The following KIAA1217 variants were observed in gnomAD, a reference collection of about 807,000 sequenced individuals.
KIAA1217 encodes KIAA1217, also known as sickle tail protein homolog.
Under a neutral mutation model 163.9 loss-of-function variants are expected in KIAA1217, and 88 were observed. That is an observed-to-expected ratio of 0.54 (90% confidence interval 0.45 to 0.64). The LOEUF (loss-of-function observed/expected upper bound fraction) is 0.64, where lower values mean the gene tolerates loss of function less well. KIAA1217 is among the 30% of genes least tolerant of loss of function. The probability of loss-of-function intolerance (pLI) is 0.00; values close to 1 mark genes in which losing one functional copy is unlikely to be tolerated. For missense variants in KIAA1217, 2,372 were observed against 2,475.0 expected, an observed-to-expected ratio of 0.96 and a Z score of 0.88; for synonymous variants, 903 against 923.1, an observed-to-expected ratio of 0.98 and a Z score of 0.39.
At chr10:24,008,201 GATA>G (rs1847087942) in intron 2 of KIAA1217, among the ~76,000 whole-genome samples, 1 of 144,546 alleles carries the variant, frequency 6.9e-6, no homozygotes, top group Non-Finnish European at 1.5e-5. Context: ...TAGATAGATA[GATA>G]GATTATTTAT....
At chr10:24,538,759 G>A (rs1371753256) in intron 17 of KIAA1217, among the ~76,000 whole-genome samples, 6 of 109,086 alleles carry the variant, frequency 5.5e-5, no homozygotes, top group South Asian at 2.9e-4. Flanking sequence ...TTGTGAGACC[G>A]AGTCTCACTC....
chr10:23,994,102 T>C (rs948941672), intron 1 of KIAA1217, among the ~76,000 whole-genome samples: 1 of 152,106 alleles, frequency 6.6e-6, no homozygotes, highest in African/African-American at 2.4e-5. Flanking sequence ...AAGAGGAGAA[T>C]GTGAATGATT....
At chr10:24,013,932 C>A (rs1344999225) in intron 2 of KIAA1217, among the ~76,000 whole-genome samples, 1 of 152,230 alleles carries the variant, frequency 6.6e-6, no homozygotes, top group East Asian at 1.9e-4. Context: ...AGACAGTGCT[C>A]TTAATTGTGG....
intron 1 of KIAA1217, among the ~76,000 whole-genome samples, chr10:24,217,258 T>C (rs1007638571): frequency 6.6e-6 from 1 of 152,128 alleles, no homozygotes. Context: ...AAGGTAGCCA[T>C]GATGTGAGTC....
chr10:24,099,929 C>T (rs193057217), intron 2 of KIAA1217, among the ~76,000 whole-genome samples: 269 of 152,200 alleles, frequency 1.8e-3, no homozygotes, highest in African/African-American at 5.5e-3. Flanking sequence ...AATGCTGCCT[C>T]ATTTCACCTG....
At chr10:23,872,897 T>G (rs1179475415) in intron 1 of KIAA1217, among the ~76,000 whole-genome samples, 1 of 152,064 alleles carries the variant, frequency 6.6e-6, no homozygotes, top group Non-Finnish European at 1.5e-5. Flanking sequence ...GAGAAGCATG[T>G]AACATTGGCA....
At chr10:24,518,627 A>G (rs145883378) in intron 10 of KIAA1217, among the ~76,000 whole-genome samples, 112 of 152,334 alleles carry the variant, frequency 7.4e-4, no homozygotes, top group African/African-American at 2.4e-3. Flanking sequence ...CCCTGTGTCC[A>G]GTCAATACAG....
chr10:24,062,574 T>C (rs2060771021), intron 2 of KIAA1217, among the ~76,000 whole-genome samples: 1 of 151,314 alleles, frequency 6.6e-6, no homozygotes, highest in Non-Finnish European at 1.5e-5. Context: ...GTCTTTGCTA[T>C]TGTGAATAGT....
intron 1 of KIAA1217, among the ~76,000 whole-genome samples, chr10:24,217,427 C>T (rs1446242630): frequency 6.6e-6 from 1 of 152,140 alleles, no homozygotes. Flanking sequence ...CTTCCCTTCC[C>T]CATCAGTGTC....
At chr10:24,221,595 C>T (rs2130886635) in intron 2 of KIAA1217, among the ~76,000 whole-genome samples, 1 of 152,316 alleles carries the variant, frequency 6.6e-6, no homozygotes, top group Admixed American at 6.5e-5. Flanking sequence ...GAATCATTAT[C>T]TGAGTGGCTA....
chr10:24,520,642 A>AAAAAG (rs1564848171), intron 11 of KIAA1217, among the ~76,000 whole-genome samples: 11 of 91,466 alleles, frequency 1.2e-4, no homozygotes, highest in African/African-American at 5.9e-4. Flanking sequence ...AAAAAAAAAA[A>AAAAAG]AAAAAAAAAA....
chr10:24,271,026 A>T (rs188870091), intron 2 of KIAA1217, among the ~76,000 whole-genome samples: 1 of 152,240 alleles, frequency 6.6e-6, no homozygotes, highest in Non-Finnish European at 1.5e-5. Context: ...TCAAGTCATT[A>T]TGGAGAAAAT....
intron 2 of KIAA1217, among the ~76,000 whole-genome samples, chr10:24,095,666 C>G (rs1275164111): frequency 3.3e-5 from 5 of 152,188 alleles, no homozygotes; most frequent in African/African-American, 1.2e-4. Context: ...AACTCTATCA[C>G]TCTTATGGTC....
At chr10:23,789,025 G>A (rs1162288619) in intron 1 of KIAA1217, among the ~76,000 whole-genome samples, 11 of 152,160 alleles carry the variant, frequency 7.2e-5, no homozygotes. Flanking sequence ...GCCAATAAAA[G>A]GCAAAGCTCT....
At chr10:24,389,408 G>A (rs1307115853) in intron 3 of KIAA1217, among the ~76,000 whole-genome samples, 1 of 152,064 alleles carries the variant, frequency 6.6e-6, no homozygotes, top group Non-Finnish European at 1.5e-5. Flanking sequence ...TGGTGGGGTG[G>A]GGGAATGGGG....
intron 1 of KIAA1217, among the ~76,000 whole-genome samples, chr10:23,960,839 A>G (rs1844789521): frequency 6.6e-6 from 1 of 152,224 alleles, no homozygotes; most frequent in African/African-American, 2.4e-5. Flanking sequence ...AGAAAATGGG[A>G]GCTGACATCT....
intron 1 of KIAA1217, among the ~76,000 whole-genome samples, chr10:23,902,521 A>G (rs1589044739): frequency 6.6e-6 from 1 of 152,178 alleles, no homozygotes; most frequent in East Asian, 1.9e-4. Flanking sequence ...CATTCTTTGC[A>G]TGTGGTGAAT....
chr10:23,916,143 C>A (rs541666302), intron 1 of KIAA1217, among the ~76,000 whole-genome samples: 1 of 152,226 alleles, frequency 6.6e-6, no homozygotes, highest in East Asian at 1.9e-4. Context: ...TTGCCCTATT[C>A]CAAGGAAAAA....
chr10:24,013,895 C>A (rs1231244351), intron 2 of KIAA1217, among the ~76,000 whole-genome samples: 1 of 152,028 alleles, frequency 6.6e-6, no homozygotes, highest in Non-Finnish European at 1.5e-5. Flanking sequence ...TGTGTGTGCT[C>A]ACAGTGACGC....
Sources: allele counts gnomAD v4.1 joint callset (sites outside exome capture counted in the v4.1 genomes callset), GRCh38; gene constraint gnomAD v4.1.1; transcripts MANE v1.5; gene names NCBI Gene and HGNC (gene_info 2026-07-23, HGNC 2026-07-21).